The following ENO4 variants were observed in gnomAD, a reference collection of about 807,000 sequenced individuals.
ENO4 encodes 2-phospho-D-glycerate hydro-lyase.
In ENO4, 53 loss-of-function variants were observed where a neutral mutation model predicts 63.2. The ratio of observed to expected loss-of-function variants is 0.84; its 90% CI spans 0.67 to 1.05. The LOEUF (loss-of-function observed/expected upper bound fraction) is 1.05, where lower values mean the gene tolerates loss of function less well. Among genes scored for constraint, ENO4 ranks in the 50% least tolerant of loss-of-function variants. ENO4 has a pLI of 0.00. For synonymous variants in ENO4, 266 were observed against 283.8 expected (o/e 0.94, Z 0.63); for missense variants, 719 against 772.0 (o/e 0.93, Z 0.81).
chr10:116,900,927 T>C (rs1847709290), intron 10 of ENO4: 1 of 985,316 alleles, frequency 1.0e-6, no homozygotes, highest in Non-Finnish European at 1.2e-6. Context: ...CAAAAATAGA[T>C]CCAAATTGAA....
intron 10 of ENO4, chr10:116,907,763 A>G: frequency 2.3e-6 from 1 of 437,004 alleles, no homozygotes; most frequent in South Asian, 1.7e-5. Flanking sequence ...TGATCAGAGG[A>G]CATAAGAACC....
Position 116,859,077 on chromosome 10 carries a change from A to C in ENO4, c.573A>C (p.Leu191=). ...AATACTCAACAGTGCCTACACCTCT[A>C]CCTCCAGTACCACCACCACCACCCC... ...SLEYSTVPTP[L]PPVPPPPPPP... The change falls in exon 4 of 14, where the codon CTA becomes CTC. Residue 191 remains leucine (L), a synonymous_variant. Coordinates refer to ENST00000341276, the MANE Select transcript of ENO4 (RefSeq NM_001242699.2). 6.5e-7 allele frequency: 1 copy of C among 1,535,158 alleles called. No homozygotes were observed. Among genetic ancestry groups the C allele is most frequent in the Non-Finnish European group, 8.7e-7 (1 of 1,146,348 alleles).
At chr10:116,874,341 C>T in intron 10 of ENO4, 140 bp downstream of exon 10, 3 of 879,668 alleles carry the variant, frequency 3.4e-6, no homozygotes, top group Non-Finnish European at 4.8e-6. Flanking sequence ...GGATCGTTGT[C>T]ATTCAAAATG....
intron 1 of ENO4, among the ~76,000 whole-genome samples, chr10:116,851,071 T>C (rs1161649132): frequency 6.6e-6 from 1 of 152,212 alleles, no homozygotes; most frequent in Non-Finnish European, 1.5e-5. Flanking sequence ...ACCAAGTCTT[T>C]GTCTCACAGC....
At chr10:116,911,449 A>G (rs777733229) in intron 10 of ENO4, 10 of 1,546,528 alleles carry the variant, frequency 6.5e-6, no homozygotes, top group South Asian at 3.6e-5. Flanking sequence ...TTATTCATCT[A>G]TTATATTTCT....
chr10:116,860,673 G>A (rs1846385782), intron 4 of ENO4, 121 bp from the exon 5 acceptor site: 3 of 691,520 alleles, frequency 4.3e-6, no homozygotes, highest in African/African-American at 1.8e-5. Context: ...CTTTTTGGGG[G>A]TTGAGGTAGA....
At chr10:116,853,824 G>A (rs1305152171) in intron 1 of ENO4, among the ~76,000 whole-genome samples, 1 of 152,130 alleles carries the variant, frequency 6.6e-6, no homozygotes, top group African/African-American at 2.4e-5. Flanking sequence ...CTCTGAACTG[G>A]CATGTCGCTG....
chr10:116,856,802 C>A (rs1433681606), intron 3 of ENO4, 120 bp downstream of exon 3: 9 of 817,918 alleles, frequency 1.1e-5, no homozygotes, highest in Non-Finnish European at 1.6e-5. Flanking sequence ...GAGGTCGAGA[C>A]CACGGTGAAA....
At chr10:116,907,702 C>T (rs1029073740) in intron 10 of ENO4, among the ~76,000 whole-genome samples, 1 of 152,192 alleles carries the variant, frequency 6.6e-6, no homozygotes, top group Non-Finnish European at 1.5e-5. Context: ...GTGCCACATA[C>T]TTGGGAGGCA....
rs999565665 is a variant in ENO4, at chr10:116,906,029, G to A, written c.1195-5470G>A. ...GTCACTCAGTTCACAGGCAGGCACA[G>A]TAAGTTAATGGATACAAAGAGTAAA... On this transcript the variant is annotated intron_variant, in intron 10 of 10. Transcript: ENST00000369207. 3.9e-5 allele frequency among the ~76,000 whole-genome samples: 6 copies of A among 152,346 alleles called. No homozygotes were observed. The South Asian group carries it at 1.2e-3, about 32-fold the overall frequency.
intron 10 of ENO4, among the ~76,000 whole-genome samples, chr10:116,897,071 T>C (rs778988576): frequency 2.7e-4 from 41 of 152,252 alleles, no homozygotes; most frequent in Middle Eastern, 6.8e-3. Flanking sequence ...CCTCCCAAAG[T>C]GCTGGGATTG....
downstream of ENO4, among the ~76,000 whole-genome samples, chr10:116,887,203 G>T (rs971921830): frequency 6.6e-6 from 1 of 152,156 alleles, no homozygotes; most frequent in South Asian, 2.1e-4. Flanking sequence ...GGAGAATCAG[G>T]TTTCTTGAGA....
At chr10:116,857,531 T>C (rs1846299695) in intron 3 of ENO4, among the ~76,000 whole-genome samples, 1 of 152,216 alleles carries the variant, frequency 6.6e-6, no homozygotes, top group East Asian at 1.9e-4. Flanking sequence ...CACAACCCTT[T>C]GGCCAATAGA....
At chr10:116,909,821 A>C (rs546807206) in intron 10 of ENO4, among the ~76,000 whole-genome samples, 1 of 152,148 alleles carries the variant, frequency 6.6e-6, no homozygotes, top group Admixed American at 6.5e-5. Flanking sequence ...TCAAAAAATA[A>C]CCCACACTGA....
At chr10:116,905,106 C>T (rs1483577580) in intron 10 of ENO4, among the ~76,000 whole-genome samples, 1 of 149,496 alleles carries the variant, frequency 6.7e-6, no homozygotes, top group Non-Finnish European at 1.5e-5. Flanking sequence ...GAGGCTGAGG[C>T]AGGAGAATGG....
At chr10:116,861,944 T>C (rs1354885847) in intron 6 of ENO4, among the ~76,000 whole-genome samples, 2 of 152,236 alleles carry the variant, frequency 1.3e-5, no homozygotes, top group Non-Finnish European at 2.9e-5. Context: ...GCTTATCATC[T>C]GTCAGATCGT....
chr10:116,885,889 C>A (rs1385884136), downstream of ENO4: 2 of 161,888 alleles, frequency 1.2e-5, no homozygotes, highest in Non-Finnish European at 2.7e-5. Context: ...CATGCTGCTG[C>A]AGTTTCTCCA....
At chr10:116,901,726 T>C in intron 10 of ENO4, 1 of 1,481,338 alleles carries the variant, frequency 6.8e-7, no homozygotes, top group Non-Finnish European at 8.9e-7. Context: ...CATTACAGAT[T>C]CTTCTATACA....
At chr10:116,856,242 A>G (rs1481415783) in intron 2 of ENO4, among the ~76,000 whole-genome samples, 2 of 152,146 alleles carry the variant, frequency 1.3e-5, no homozygotes, top group Non-Finnish European at 2.9e-5. Flanking sequence ...TTTTATTGTT[A>G]TTTATTGGAG....
Sources: gnomAD v4.1 joint callset for allele counts (sites outside exome capture counted in the v4.1 genomes callset) on GRCh38, gnomAD v4.1.1 for gene constraint, MANE v1.5 for transcripts, NCBI Gene and HGNC (gene_info 2026-07-23, HGNC 2026-07-21) for gene names.